Variants in ZDBF2 observed in about 807,000 individuals in gnomAD.
The protein encoded by ZDBF2 is zinc finger DBF-type containing 2.
In ZDBF2, 6 loss-of-function variants were observed where a neutral mutation model predicts 9.4. The ratio of observed to expected loss-of-function variants is 0.64; its 90% CI spans 0.35 to 1.27. The LOEUF (loss-of-function observed/expected upper bound fraction) is 1.27. Among genes scored for constraint, ZDBF2 ranks in the 50% most tolerant of loss-of-function variants. The probability of loss-of-function intolerance (pLI) is 0.03; values close to 1 mark genes in which losing one functional copy is unlikely to be tolerated. For missense variants in ZDBF2, 2,697 were observed against 2,766.8 expected, an observed-to-expected ratio of 0.97 and a Z score of 0.57; for synonymous variants, 905 against 946.3, an observed-to-expected ratio of 0.96 and a Z score of 0.80.
chr2:206,298,237 CAT>C (rs1341119721), intron 4 of ZDBF2, among the ~76,000 whole-genome samples: 2 of 152,090 alleles, frequency 1.3e-5, no homozygotes, highest in Non-Finnish European at 2.9e-5. Flanking sequence ...TAAAGAAAAA[CAT>C]TGGTAGAAAA....
Position 206,310,617 on chromosome 2 carries a change from TGAG to T in ZDBF2, c.6091_6093del (p.Arg2031del). On this transcript the variant is annotated inframe_deletion, in exon 5 of 5. Transcript: ENST00000374423. ...GGTGAAGGCCTTCCTTTCCCTAAAA[TGAG>T]GCACCATAGTTGGGATAATGATATT... 5 of 1,609,880 alleles carry T rather than the reference TGAG, an allele frequency of 3.1e-6. No individual in the cohort carries two copies. The highest frequency in any genetic ancestry group is 4.2e-6 in the Non-Finnish European group (5 of 1,177,656).
At position 206,295,927 on chromosome 2, in the gene ZDBF2, T is replaced by C. The variant is rs558368068; in HGVS notation, c.61-1319T>C. 4.6e-5 allele frequency among the ~76,000 whole-genome samples: 7 copies of C among 152,278 alleles called. No individual in the cohort carries two copies. In the South Asian group the frequency reaches 1.2e-3, roughly 27 times the overall value. ...ATTTAGTGTATTTATTTTAATTTTG[T>C]GTTTAAGTTGGGATTTTTAATTTCT... On this transcript the variant is annotated intron_variant, in intron 3 of 4. Transcript: ENST00000374423.
At chr2:206,278,755 C>T (rs1691157153) in intron 1 of ZDBF2, among the ~76,000 whole-genome samples, 1 of 152,232 alleles carries the variant, frequency 6.6e-6, no homozygotes, top group African/African-American at 2.4e-5. Context: ...TCCACAGTGG[C>T]ATCCCTCGCC....
chr2:206,276,487 G>A (rs1691010429), intron 1 of ZDBF2, among the ~76,000 whole-genome samples: 2 of 152,116 alleles, frequency 1.3e-5, no homozygotes, highest in Admixed American at 1.3e-4. Context: ...TTGGAATAGT[G>A]GTGATGTTGA....
Position 206,308,859 on chromosome 2 carries a change from A to T in ZDBF2, c.4331A>T (p.Asn1444Ile), listed in dbSNP as rs765485278. The change falls in exon 5 of 5, where the codon AAT becomes ATT. Residue 1444 changes from asparagine (N) to isoleucine (I), a missense_variant. This residue lies in a region of ZDBF2 where 1,783 missense variants were observed against 1,776.5 expected (regional missense o/e 1.00). Transcript: ENST00000374423. ...LQKKDHNDLE[N>I]KNCEVCGSEI... Reference sequence around the variant, plus strand: ...AAGAAGGATCATAATGATCTAGAAAATAAGAACTGTGAAGTCTGTGGTTCT... The same window carrying T: ...AAGAAGGATCATAATGATCTAGAAATTAAGAACTGTGAAGTCTGTGGTTCT... 9 of 1,613,408 alleles carry T rather than the reference A, an allele frequency of 5.6e-6. 1 individual carries two copies. In the Admixed American group the frequency reaches 1.5e-4, roughly 27 times the overall value.
intron 1 of ZDBF2, among the ~76,000 whole-genome samples, chr2:206,277,900 C>T (rs879012136): frequency 6.6e-6 from 1 of 152,144 alleles, no homozygotes; most frequent in Non-Finnish European, 1.5e-5. Flanking sequence ...AACCCACCAA[C>T]TACTGGTTCT....
In ZDBF2 at chr2:206,310,140, AG is replaced by A; in HGVS notation, c.5616del (p.Lys1875ArgfsTer39). On this transcript the variant is annotated frameshift_variant, in exon 5 of 5. Coordinates refer to ENST00000374423, the MANE Select transcript of ZDBF2 (RefSeq NM_020923.3). LOFTEE classifies it low-confidence loss of function (END_TRUNC). The stretch of plus-strand genomic sequence containing the variant: ...TGTGAGACCAAAAAAGTTTCTTCGA[AG>A]GGGAAAAAAAAGGTTACCTGGGCTG... ...DDCETKKVSS[K>X]GKKKVTWADL... 1 of 1,613,426 alleles carries A rather than the reference AG, an allele frequency of 6.2e-7. No homozygotes were observed. The highest frequency in any genetic ancestry group is 8.5e-7 in the Non-Finnish European group (1 of 1,179,738).
chr2:206,307,527 C>T lies in ZDBF2; in HGVS notation c.2999C>T (p.Thr1000Ile). 1 of 1,613,754 alleles carries T rather than the reference C, an allele frequency of 6.2e-7. No homozygotes were observed. The highest frequency in any genetic ancestry group is 1.7e-5 in the Admixed American group (1 of 59,998). ...AGTACTGAATTCAGTGGTTCAAAAA[C>T]AAGTTTAGATTCTGGTGTCCCTCAT... is the stretch of plus-strand genomic sequence containing the variant. ...GRSTEFSGSK[T>I]SLDSGVPHYS... The change falls in exon 5 of 5, where the codon ACA (threonine) becomes ATA (isoleucine). Residue 1000 changes from threonine (T) to isoleucine (I), a missense_variant. Coordinates refer to ENST00000374423, the MANE Select transcript of ZDBF2 (RefSeq NM_020923.3).
rs1261857986 is a variant in ZDBF2 at position 206,306,386 on chromosome 2, A to G, written c.1858A>G (p.Ser620Gly). The G allele has an allele frequency of 1.2e-6, 2 of 1,613,852 alleles. No individual in the cohort carries two copies. Among genetic ancestry groups the G allele is most frequent in the East Asian group, 2.2e-5 (1 of 44,882 alleles). ...CCTAAAACATAAGAAGCGTAAACCC[A>G]GTAGTGCTAAAGCACATCTTGATTG... ...VHLKHKKRKP[S>G]SAKAHLDCDV... Residue 620 changes from serine (S) to glycine (G), a missense_variant, in exon 5 of 5, where the codon AGT becomes GGT. Ser to Gly is a moderately conservative substitution (Grantham distance 56). This residue lies in a region of ZDBF2 where 910 missense variants were observed against 973.6 expected (regional missense o/e 0.93). Coordinates refer to ENST00000374423, the MANE Select transcript of ZDBF2 (RefSeq NM_020923.3).
In ZDBF2 at chr2:206,278,293, C is replaced by T. The variant is rs181023749; in HGVS notation, c.-102-1247C>T. 4.0e-4 allele frequency among the ~76,000 whole-genome samples: 61 copies of T among 152,168 alleles called. 1 individual carries two copies. Among genetic ancestry groups the T allele is most frequent in the Admixed American group, 1.5e-3 (23 of 15,274 alleles). ...TTTCTTATTTTGTAAGCATACATGA[C>T]TATGCTTTAAGGGATACTGACTCTT... On this transcript the variant is annotated intron_variant, in intron 1 of 4. Transcript: ENST00000374423.
In ZDBF2 at chr2:206,307,448, A is replaced by C. The variant is rs752835098; in HGVS notation, c.2920A>C (p.Ile974Leu). 3.7e-6 allele frequency: 6 copies of C among 1,611,942 alleles called. No homozygotes were observed. The East Asian group carries it at 1.3e-4, about 36-fold the overall frequency. The change falls in exon 5 of 5, where the codon ATT (isoleucine) becomes CTT (leucine). Residue 974 changes from isoleucine (I) to leucine (L), a missense_variant. Around this residue, in one of 3 missense-constraint regions of ZDBF2, gnomAD observed 1,783 missense variants for 1,776.5 expected, o/e 1.00. Coordinates refer to ENST00000374423, the MANE Select transcript of ZDBF2 (RefSeq NM_020923.3). The part of the protein sequence containing the change: ...LQAATHKPEV[I>L]VKETWLQREK... Reference sequence around the variant, plus strand: ...GGCAGCGACTCACAAACCTGAAGTAATTGTCAAAGAAACATGGCTTCAAAG... The same window carrying C: ...GGCAGCGACTCACAAACCTGAAGTACTTGTCAAAGAAACATGGCTTCAAAG...
chr2:206,304,804 G>A lies in ZDBF2; in HGVS notation c.276G>A (p.Glu92=). The A allele has an allele frequency of 1.2e-6, 2 of 1,613,724 alleles. No homozygotes were observed. The highest frequency in any genetic ancestry group is 2.2e-5 in the East Asian group (1 of 44,872). The part of the protein sequence containing the change: ...LDDAFSEEEE[E]DEDKVEDEDA... ...ATGCTTTTTCTGAAGAAGAGGAAGAGGATGAGGATAAGGTTGAGGATGAGG... is the reference window on the plus strand; with the variant it reads ...ATGCTTTTTCTGAAGAAGAGGAAGAAGATGAGGATAAGGTTGAGGATGAGG... The change falls in exon 5 of 5, where the codon GAG becomes GAA. Residue 92 remains glutamate, a synonymous_variant. Transcript: ENST00000374423.
At chr2:206,277,402 T>C (rs1377319111) in intron 1 of ZDBF2, among the ~76,000 whole-genome samples, 1 of 152,048 alleles carries the variant, frequency 6.6e-6, no homozygotes, top group African/African-American at 2.4e-5. Flanking sequence ...AAATCTCTGT[T>C]CACTGCCTGG....
chr2:206,310,002 C>T lies in ZDBF2; in HGVS notation c.5474C>T (p.Pro1825Leu), dbSNP rs1348473053. The stretch of plus-strand genomic sequence containing the variant: ...CTTGAAGCCTTGCCTCATGTACCTC[C>T]TTCATTTGTGGGGAAAACATGGTCT... ...PVLEALPHVP[P>L]SFVGKTWSQI... Residue 1825 changes from proline to leucine, a missense_variant, in exon 5 of 5, where the codon CCT becomes CTT. Pro to Leu is a moderately conservative substitution (Grantham distance 98). Coordinates refer to ENST00000374423, the MANE Select transcript of ZDBF2 (RefSeq NM_020923.3). 2 of 1,612,914 alleles carry T rather than the reference C, an allele frequency of 1.2e-6. No homozygotes were observed. The highest frequency in any genetic ancestry group is 8.5e-7 in the Non-Finnish European group (1 of 1,179,620).
intron 1 of ZDBF2, 90 bp downstream of exon 1, chr2:206,275,036 G>A (rs1690906513): frequency 6.6e-6 from 1 of 151,222 alleles, no homozygotes; most frequent in South Asian, 2.1e-4. Flanking sequence ...TTCTTCCCGA[G>A]GGACGCCAGG....
intron 4 of ZDBF2, among the ~76,000 whole-genome samples, chr2:206,303,768 T>C (rs1383420236): frequency 6.6e-6 from 1 of 152,102 alleles, no homozygotes; most frequent in Admixed American, 6.5e-5. Context: ...CTCCAGATAT[T>C]CTAAGTGCAT....
rs1693240185 is a variant in ZDBF2 at position 206,312,448 on chromosome 2, T to C, written c.*855T>C. 1 of 152,202 alleles carries C rather than the reference T, an allele frequency of 6.6e-6. No individual in the cohort carries two copies. Among genetic ancestry groups the C allele is most frequent in the South Asian group, 2.1e-4 (1 of 4,826 alleles). 9.4% of individuals were successfully genotyped at this position (152,202 alleles called of 1,614,324 possible). On this transcript the variant is annotated 3_prime_UTR_variant, in exon 5 of 5. Coordinates refer to ENST00000374423, the MANE Select transcript of ZDBF2 (RefSeq NM_020923.3). ...ATTATTTTTTGAGACAGAGTCTCACTGTCTTGCCCAGGCTGGAGTGCAGTG... is the reference window on the plus strand; with the variant it reads ...ATTATTTTTTGAGACAGAGTCTCACCGTCTTGCCCAGGCTGGAGTGCAGTG...
rs764368330 is a variant in ZDBF2 at position 206,310,685 on chromosome 2, T to G, written c.6157T>G (p.Tyr2053Asp). ...CKYKRNIFDY[Y>D]EPLIKQIVIS... is the part of the protein sequence containing the mutation. ...ATATAAACGGAATATCTTTGATTATTATGAGCCCTTGATTAAGCAAATTGT... is the reference window on the plus strand; with the variant it reads ...ATATAAACGGAATATCTTTGATTATGATGAGCCCTTGATTAAGCAAATTGT... Residue 2053 changes from tyrosine to aspartate, a missense_variant, in exon 5 of 5, where the codon TAT becomes GAT. Around this residue, in one of 3 missense-constraint regions of ZDBF2, gnomAD observed 1,783 missense variants for 1,776.5 expected, o/e 1.00. Transcript: ENST00000374423. The G allele has an allele frequency of 6.2e-7, 1 of 1,613,034 alleles. No individual in the cohort carries two copies. The highest frequency in any genetic ancestry group is 8.5e-7 in the Non-Finnish European group (1 of 1,179,490).
At chr2:206,303,795 A>G (rs1021546941) in intron 4 of ZDBF2, among the ~76,000 whole-genome samples, 5 of 151,946 alleles carry the variant, frequency 3.3e-5, no homozygotes, top group African/African-American at 1.2e-4. Flanking sequence ...TTTCCCTTCT[A>G]TTTTACATAA....
Sources: gnomAD v4.1 joint callset for allele counts (sites outside exome capture counted in the v4.1 genomes callset) on GRCh38, gnomAD v4.1.1 for gene constraint, gnomAD v4.1.1 regional missense constraint, MANE v1.5 for transcripts, NCBI Gene and HGNC (gene_info 2026-07-23, HGNC 2026-07-21) for gene names.